LOXL2: variants seen among roughly 807,000 people sequenced by gnomAD.
LOXL2 encodes lysyl oxidase homolog 2.
LOXL2 carries 70 observed loss-of-function variants against 93.0 expected under a neutral mutation model. The ratio of observed to expected loss-of-function variants is 0.75; its 90% CI spans 0.62 to 0.92. The LOEUF (loss-of-function observed/expected upper bound fraction) is 0.92, where lower values mean the gene tolerates loss of function less well. Among genes scored for constraint, LOXL2 ranks in the 40% least tolerant of loss-of-function variants. The pLI is 0.00. For missense variants in LOXL2, 973 were observed against 1,054.9 expected, an observed-to-expected ratio of 0.92 and a Z score of 1.08; for synonymous variants, 438 against 413.2, an observed-to-expected ratio of 1.06 and a Z score of -0.73.
intron 1 of LOXL2, among the ~76,000 whole-genome samples, chr8:23,372,701 T>C (rs1395926906): frequency 3.3e-5 from 5 of 152,184 alleles, no homozygotes; most frequent in South Asian, 2.1e-4. Flanking sequence ...ACCAGGATAA[T>C]GTAACTCTTC....
At chr8:23,376,670 G>A (rs929609210) in intron 1 of LOXL2, among the ~76,000 whole-genome samples, 7 of 152,162 alleles carry the variant, frequency 4.6e-5, no homozygotes, top group African/African-American at 1.7e-4. Context: ...AGTCTTGGGA[G>A]AGTGTATGTG....
Position 23,299,077 on chromosome 8 carries a change from C to G in LOXL2, c.2134-130G>C. 6.4e-6 allele frequency: 4 copies of G among 620,704 alleles called. 1 individual carries two copies. The highest frequency in any genetic ancestry group is 5.4e-5 in the South Asian group (3 of 55,708). 38.4% of individuals were successfully genotyped at this position (620,704 alleles called of 1,614,324 possible). A position where few individuals can be genotyped will look rare whatever the true frequency, so the allele number is the denominator to read the frequency against. On this transcript the variant is annotated intron_variant, in intron 12 of 13. Transcript: ENST00000389131. ...AGGTGCCGGGACCCAAGACGGGGGTCTGTGGGTCTCAACAAAGTCCTTGGG... is the reference window on the plus strand; with the variant it reads ...AGGTGCCGGGACCCAAGACGGGGGTGTGTGGGTCTCAACAAAGTCCTTGGG...
intron 5 of LOXL2, among the ~76,000 whole-genome samples, chr8:23,330,353 CAAAACAAAAT>C (rs1405504207): frequency 1.3e-5 from 2 of 151,646 alleles, no homozygotes; most frequent in Non-Finnish European, 2.9e-5. Flanking sequence ...CAAAACAAAA[CAAAACAAAAT>C]AAAACAAAAA....
chr8:23,355,235 G>A (rs1394919489), intron 3 of LOXL2, among the ~76,000 whole-genome samples: 4 of 151,724 alleles, frequency 2.6e-5, no homozygotes, highest in Non-Finnish European at 5.9e-5. Flanking sequence ...GTGAGCCACC[G>A]CATCCGGCCG....
Position 23,316,786 on chromosome 8 carries a change from G to A in LOXL2, c.1636+163C>T, listed in dbSNP as rs376424067. On this transcript the variant is annotated intron_variant, in intron 9 of 13. Transcript: ENST00000389131. ...TCATAGACAGCGATCTGTGGTTGGG[G>A]TGGCGGTCATCTCTCTTGCCCCCAG... The A allele has an allele frequency of 2.1e-4, 135 of 655,824 alleles. 3 individuals carry two copies. The highest frequency in any genetic ancestry group is 1.9e-3 in the African/African-American group (106 of 54,544). The allele number at this position is 655,824 out of a possible 1,614,324, so 40.6% of individuals were successfully genotyped here. A position where few individuals can be genotyped will look rare whatever the true frequency, so the allele number is the denominator to read the frequency against.
chr8:23,331,786 A>C (rs1456147601), intron 5 of LOXL2: 1 of 152,178 alleles, frequency 6.6e-6, no homozygotes, highest in Non-Finnish European at 1.5e-5. Flanking sequence ...CTGTAATCCC[A>C]GCACTTTGGG....
At chr8:23,321,217 C>T (rs557504499) in intron 7 of LOXL2, among the ~76,000 whole-genome samples, 3 of 152,304 alleles carry the variant, frequency 2.0e-5, no homozygotes, top group Middle Eastern at 3.4e-3. Flanking sequence ...GTGGCTGCCT[C>T]GTTGCCTCTG....
chr8:23,346,776 T>C (rs1271427189), intron 3 of LOXL2, among the ~76,000 whole-genome samples: 1 of 152,208 alleles, frequency 6.6e-6, no homozygotes, highest in African/African-American at 2.4e-5. Flanking sequence ...GTTGTTCTCC[T>C]TCCCCCTGTT....
intron 5 of LOXL2, 90 bp downstream of exon 5, chr8:23,333,311 C>G: frequency 8.0e-7 from 1 of 1,246,280 alleles, no homozygotes. Context: ...GCCACCCTTC[C>G]TCACTCTCCT....
intron 10 of LOXL2, among the ~76,000 whole-genome samples, chr8:23,304,647 G>A (rs1803199455): frequency 1.3e-5 from 2 of 152,164 alleles, no homozygotes; most frequent in East Asian, 1.9e-4. Flanking sequence ...TAAGATGAAC[G>A]GCGTCAAATA....
At chr8:23,330,151 C>T (rs1563192026) in intron 5 of LOXL2, among the ~76,000 whole-genome samples, 1 of 151,848 alleles carries the variant, frequency 6.6e-6, no homozygotes, top group Non-Finnish European at 1.5e-5. Context: ...TGGTGAAACC[C>T]CGTCTCTACT....
intron 8 of LOXL2, 113 bp downstream of exon 8, chr8:23,319,772 T>C (rs1803464062): frequency 8.3e-7 from 1 of 1,211,344 alleles, no homozygotes; most frequent in Non-Finnish European, 1.2e-6. Flanking sequence ...GGCAACTTGC[T>C]CTGTCCTGCC....
At chr8:23,308,658 CAAAG>C (rs1004791516) in intron 10 of LOXL2, among the ~76,000 whole-genome samples, 19 of 152,254 alleles carry the variant, frequency 1.2e-4, no homozygotes, top group Non-Finnish European at 4.4e-5. Context: ...AAAGGGAAAA[CAAAG>C]AAACAGAGGG....
intron 9 of LOXL2, among the ~76,000 whole-genome samples, chr8:23,316,561 G>C (rs1426108267): frequency 1.3e-5 from 2 of 152,140 alleles, no homozygotes; most frequent in African/African-American, 4.8e-5. Context: ...TCCAGGGTCT[G>C]AAAACAGGAA....
chr8:23,374,454 G>C (rs1235770888), intron 1 of LOXL2, among the ~76,000 whole-genome samples: 1 of 152,044 alleles, frequency 6.6e-6, no homozygotes, highest in Non-Finnish European at 1.5e-5. Context: ...TAATCCTTTG[G>C]GTATATACCC....
At chr8:23,376,548 G>A (rs552097670) in intron 1 of LOXL2, among the ~76,000 whole-genome samples, 3 of 152,210 alleles carry the variant, frequency 2.0e-5, no homozygotes, top group South Asian at 2.1e-4. Context: ...GGTAGAATTC[G>A]GCTGCGAATC....
intron 3 of LOXL2, among the ~76,000 whole-genome samples, chr8:23,348,274 G>A (rs1047920186): frequency 8.5e-6 from 1 of 118,178 alleles, no homozygotes; most frequent in African/African-American, 3.2e-5. Context: ...GGGGAGGGGG[G>A]AGGGATAGCA....
chr8:23,333,148 C>G (rs1803732586), intron 5 of LOXL2, among the ~76,000 whole-genome samples: 1 of 152,194 alleles, frequency 6.6e-6, no homozygotes, highest in Admixed American at 6.5e-5. Context: ...TGTCGCACAA[C>G]CCTTCATCGT....
Position 23,309,876 on chromosome 8 carries a change from G to A in LOXL2, c.1672C>T (p.Gln558Ter). 1 of 1,568,016 alleles carries A rather than the reference G, an allele frequency of 6.4e-7. No individual in the cohort carries two copies. Among genetic ancestry groups the A allele is most frequent in the South Asian group, 1.2e-5 (1 of 85,018 alleles). Residue 558 changes from glutamine to a stop codon, truncating the protein, a stop_gained, in exon 10 of 14, where the codon CAG becomes TAG. Transcript: ENST00000389131. LOFTEE classifies it high-confidence loss of function. ...CGGTCCTCCAGGTAGGTGGTCTGCT[G>A]CACCATCTCCGCATTGAGGACCAGG... Reference protein sequence around the residue: ...PDLVLNAEMVQQTTYLEDRPM... With the variant: ...PDLVLNAEMV
Sources: gnomAD v4.1 joint callset for allele counts (sites outside exome capture counted in the v4.1 genomes callset) on GRCh38, gnomAD v4.1.1 for gene constraint, MANE v1.5 for transcripts, NCBI Gene and HGNC (gene_info 2026-07-23, HGNC 2026-07-21) for gene names.